GABRG3: variants seen among roughly 807,000 people sequenced by gnomAD.
GABRG3 encodes gamma-aminobutyric acid type A receptor subunit gamma3.
In GABRG3, 25 loss-of-function variants were observed where a neutral mutation model predicts 48.8. That is an observed-to-expected ratio of 0.51 (90% CI 0.37 to 0.72). The LOEUF (loss-of-function observed/expected upper bound fraction) is 0.72, where lower values mean the gene tolerates loss of function less well. Ranked by LOEUF, GABRG3 falls within the 30% of genes least tolerant of loss-of-function variation. GABRG3 has a pLI of 0.00. For missense variants in GABRG3, 394 were observed against 577.9 expected (o/e 0.68, Z 3.26); for synonymous variants, 227 against 217.6 (o/e 1.04, Z -0.38).
chr15:27,227,923 C>T (rs1889675518), intron 3 of GABRG3, among the ~76,000 whole-genome samples: 1 of 152,066 alleles, frequency 6.6e-6, no homozygotes, highest in African/African-American at 2.4e-5. Flanking sequence ...TAATTAGGAA[C>T]AAATATTTTT....
At chr15:27,455,189 C>T (rs1247490882) in intron 5 of GABRG3, among the ~76,000 whole-genome samples, 1 of 152,272 alleles carries the variant, frequency 6.6e-6, no homozygotes, top group African/African-American at 2.4e-5. Context: ...ACTGCTGACA[C>T]TCCTGGCTAT....
chr15:27,480,901 T>C, intron 6 of GABRG3, 114 bp downstream of exon 6: 1 of 1,450,272 alleles, frequency 6.9e-7, no homozygotes, highest in Non-Finnish European at 9.1e-7. Context: ...ATAAGTGATA[T>C]TTGAGACAAA....
chr15:27,217,587 C>T (rs781059145), intron 3 of GABRG3, among the ~76,000 whole-genome samples: 5 of 152,202 alleles, frequency 3.3e-5, no homozygotes, highest in African/African-American at 4.8e-5. Context: ...GGATCCTGCT[C>T]CGTGCTGTGG....
intron 3 of GABRG3, among the ~76,000 whole-genome samples, chr15:27,098,083 A>T (rs942899909): frequency 6.6e-6 from 1 of 152,150 alleles, no homozygotes; most frequent in Non-Finnish European, 1.5e-5. Flanking sequence ...TTAGTATTTT[A>T]AATTTTTGTT....
chr15:27,246,121 A>G (rs1362317482), intron 3 of GABRG3, among the ~76,000 whole-genome samples: 1 of 152,194 alleles, frequency 6.6e-6, no homozygotes, highest in Non-Finnish European at 1.5e-5. Context: ...ACCTCCCGCC[A>G]GGCCTCGTCT....
Position 27,535,072 on chromosome 15 carries a change from A to G in GABRG3, c.*2191A>G, listed in dbSNP as rs1891518146. On this transcript the variant is annotated 3_prime_UTR_variant, in exon 10 of 10. Coordinates refer to ENST00000615808, the MANE Select transcript of GABRG3 (RefSeq NM_033223.5). ...ATGCATAAGCAACCCCCGCCTTGGC[A>G]GAAGTATTCTGCAAGGACCCTGACC... 2 of 152,254 alleles carry G rather than the reference A, an allele frequency of 1.3e-5. No individual in the cohort carries two copies. The highest frequency in any genetic ancestry group is 4.8e-5 in the African/African-American group (2 of 41,454). 9.4% of individuals were successfully genotyped at this position (152,254 alleles called of 1,614,324 possible). A position where few individuals can be genotyped will look rare whatever the true frequency, so the allele number is the denominator to read the frequency against.
chr15:27,468,893 A>C (rs972161791), intron 5 of GABRG3, among the ~76,000 whole-genome samples: 2 of 152,222 alleles, frequency 1.3e-5, no homozygotes, highest in Non-Finnish European at 1.5e-5. Flanking sequence ...ATTGTGAACA[A>C]TGAAAAAGAA....
At chr15:27,061,712 C>T (rs558227321) in intron 3 of GABRG3, among the ~76,000 whole-genome samples, 7 of 152,102 alleles carry the variant, frequency 4.6e-5, no homozygotes, top group Non-Finnish European at 1.0e-4. Context: ...GAAAAAAAGT[C>T]TTTTCCCTGC....
rs370771920 is a variant in GABRG3, at chr15:27,532,809, C to T, written c.1332C>T (p.Tyr444=). Residue 444 remains tyrosine (Y), a synonymous_variant, in exon 10 of 10, where the codon TAC becomes TAT. Coordinates refer to ENST00000615808, the MANE Select transcript of GABRG3 (RefSeq NM_033223.5). ...IHIDILELDS[Y]SRVFFPTSFL... is the part of the protein sequence containing the mutation. ...TAGACATCTTGGAGCTGGACTCGTA[C>T]TCCCGGGTCTTTTTCCCCACGTCCT... The T allele has an allele frequency of 1.9e-6, 3 of 1,614,000 alleles. No homozygotes were observed. The highest frequency in any genetic ancestry group is 1.7e-5 in the Admixed American group (1 of 60,020).
At chr15:27,433,908 A>G (rs1039156103) in intron 5 of GABRG3, among the ~76,000 whole-genome samples, 1 of 152,200 alleles carries the variant, frequency 6.6e-6, no homozygotes, top group South Asian at 2.1e-4. Context: ...ACAAACACTA[A>G]AAAGCTAAGA....
intron 3 of GABRG3, among the ~76,000 whole-genome samples, chr15:27,314,324 C>G (rs1054428762): frequency 1.3e-5 from 2 of 152,154 alleles, no homozygotes; most frequent in African/African-American, 2.4e-5. Context: ...TTCAATGTCA[C>G]TAATCATCAG....
At chr15:27,022,408 G>T (rs909958215) in intron 2 of GABRG3, among the ~76,000 whole-genome samples, 1 of 152,052 alleles carries the variant, frequency 6.6e-6, no homozygotes, top group African/African-American at 2.4e-5. Context: ...CACCTCAGGG[G>T]GCCCAGGGCC....
At chr15:26,994,692 A>T (rs980831010) in intron 2 of GABRG3, among the ~76,000 whole-genome samples, 3 of 151,870 alleles carry the variant, frequency 2.0e-5, no homozygotes, top group Non-Finnish European at 2.9e-5. Context: ...TGAGTTTTGT[A>T]CCTTTAAATG....
chr15:27,064,776 G>A (rs1896709411), intron 3 of GABRG3, among the ~76,000 whole-genome samples: 1 of 152,150 alleles, frequency 6.6e-6, no homozygotes, highest in African/African-American at 2.4e-5. Context: ...AGGACTCAGG[G>A]CCTCTGCACA....
intron 3 of GABRG3, among the ~76,000 whole-genome samples, chr15:27,324,693 A>G (rs1893546971): frequency 6.6e-6 from 1 of 152,132 alleles, no homozygotes; most frequent in East Asian, 1.9e-4. Flanking sequence ...AACCGAGCCA[A>G]CTTTCTACCT....
chr15:27,407,727 G>A (rs888219637), intron 5 of GABRG3, among the ~76,000 whole-genome samples: 2 of 152,220 alleles, frequency 1.3e-5, no homozygotes, highest in Non-Finnish European at 2.9e-5. Context: ...ATAACTGTAT[G>A]ATTCTAACTA....
intron 5 of GABRG3, among the ~76,000 whole-genome samples, chr15:27,444,779 A>G (rs1888893100): frequency 6.6e-6 from 1 of 152,218 alleles, no homozygotes; most frequent in Non-Finnish European, 1.5e-5. Flanking sequence ...TGGGAGTTAT[A>G]CAGTATCTTT....
At chr15:27,483,484 G>T (rs1489480696) in intron 6 of GABRG3, among the ~76,000 whole-genome samples, 1 of 152,200 alleles carries the variant, frequency 6.6e-6, no homozygotes, top group Non-Finnish European at 1.5e-5. Flanking sequence ...GGTACTGAGG[G>T]TTAGGACTCT....
rs1311559535 is a variant in GABRG3, at chr15:27,179,233, T to C, written c.271-147576T>C. 1.3e-5 allele frequency among the ~76,000 whole-genome samples: 2 copies of C among 152,220 alleles called. No homozygotes were observed. The highest frequency in any genetic ancestry group is 4.8e-5 in the African/African-American group (2 of 41,464). ...TTGCTTACTCCTATCATCAATGCAT[T>C]GCCGTGATTTGCCATTTCAAACATG... On this transcript the variant is annotated intron_variant, in intron 3 of 9. Coordinates refer to ENST00000615808, the MANE Select transcript of GABRG3 (RefSeq NM_033223.5). This position sits in a 1 kb window ranked among gnomAD's most constrained non-coding sequence, Gnocchi z 4.0.
Sources: gnomAD v4.1 joint callset for allele counts (sites outside exome capture counted in the v4.1 genomes callset) on GRCh38, gnomAD v4.1.1 for gene constraint, Gnocchi (gnomAD v3.1) non-coding constraint, MANE v1.5 for transcripts, NCBI Gene and HGNC (gene_info 2026-07-23, HGNC 2026-07-21) for gene names.